HK2: variants seen among roughly 807,000 people sequenced by gnomAD.
HK2 encodes the protein hexokinase-2.
In HK2, 42 loss-of-function variants were observed where a neutral mutation model predicts 92.9. That is an observed-to-expected ratio of 0.45 (90% CI 0.35 to 0.58). The LOEUF (loss-of-function observed/expected upper bound fraction) is 0.58, where lower values mean the gene tolerates loss of function less well. Ranked by LOEUF, HK2 falls within the 20% of genes least tolerant of loss-of-function variation. The pLI is 0.00. For synonymous variants in HK2, 422 were observed against 468.0 expected, an observed-to-expected ratio of 0.90 and a Z score of 1.27; for missense variants, 978 against 1,245.1, an observed-to-expected ratio of 0.79 and a Z score of 3.23.
intron 13 of HK2, among the ~76,000 whole-genome samples, chr2:74,885,988 G>T (rs1056398328): frequency 6.6e-6 from 1 of 151,886 alleles, no homozygotes; most frequent in African/African-American, 2.4e-5. Context: ...TAAACAAGGG[G>T]TGTATTATTC....
At chr2:74,860,079 C>A (rs780381349) in intron 2 of HK2, among the ~76,000 whole-genome samples, 1 of 151,954 alleles carries the variant, frequency 6.6e-6, no homozygotes, top group African/African-American at 2.4e-5. Context: ...CAGACAAATA[C>A]CGCACGTTTT....
intron 1 of HK2, among the ~76,000 whole-genome samples, chr2:74,854,003 C>T (rs1055591189): frequency 1.3e-5 from 2 of 152,144 alleles, no homozygotes; most frequent in South Asian, 4.1e-4. Context: ...TGTCACAGGC[C>T]TTCCGACTCA....
chr2:74,846,176 G>A (rs1688429558), intron 1 of HK2, among the ~76,000 whole-genome samples: 1 of 152,236 alleles, frequency 6.6e-6, no homozygotes, highest in African/African-American at 2.4e-5. Flanking sequence ...GCATGTGTCA[G>A]CACAGAGTCA....
At chr2:74,858,364 G>A (rs932048313) in intron 2 of HK2, among the ~76,000 whole-genome samples, 5 of 152,176 alleles carry the variant, frequency 3.3e-5, no homozygotes, top group African/African-American at 4.8e-5. Flanking sequence ...AGGACAGTGT[G>A]GGGTGAGAGG....
At chr2:74,881,255 G>T (rs566460474) in intron 10 of HK2, among the ~76,000 whole-genome samples, 1 of 152,328 alleles carries the variant, frequency 6.6e-6, no homozygotes, top group African/African-American at 2.4e-5. Context: ...AGAAATGGTG[G>T]TCTTATTCCA....
In HK2 at chr2:74,881,727, G is replaced by T; in HGVS notation, c.1587G>T (p.Leu529Phe). ...ATTTTCCAGAGAAAGGGGACTTCTT[G>T]GCCTTGGACCTTGGAGGAACAAATT... Reference protein sequence around the residue: ...TPDGTEKGDFLALDLGGTNFR... With the variant: ...TPDGTEKGDFFALDLGGTNFR... The change falls in exon 11 of 18, where the codon TTG becomes TTT. Residue 529 changes from leucine to phenylalanine, a missense_variant. Around this residue, in one of 3 missense-constraint regions of HK2, gnomAD observed 742 missense variants for 922.5 expected, o/e 0.80. Coordinates refer to ENST00000290573, the MANE Select transcript of HK2 (RefSeq NM_000189.5). 2.5e-6 allele frequency: 4 copies of T among 1,614,166 alleles called. No homozygotes were observed. The highest frequency in any genetic ancestry group is 3.4e-6 in the Non-Finnish European group (4 of 1,180,032).
chr2:74,883,617 TGA>T (rs1689452780), intron 12 of HK2, among the ~76,000 whole-genome samples: 2 of 152,196 alleles, frequency 1.3e-5, no homozygotes, highest in African/African-American at 4.8e-5. Flanking sequence ...CCTCCTTATC[TGA>T]GAGAATTCCC....
chr2:74,889,574 T>G, intron 17 of HK2, 96 bp downstream of exon 17: 1 of 842,412 alleles, frequency 1.2e-6, no homozygotes, highest in Non-Finnish European at 2.0e-6. Flanking sequence ...TATAGTGAAT[T>G]ATCAGCCATT....
intron 3 of HK2, among the ~76,000 whole-genome samples, chr2:74,870,361 A>G (rs976679000): frequency 1.3e-5 from 2 of 152,128 alleles, no homozygotes; most frequent in African/African-American, 4.8e-5. Context: ...AGTGGCTACT[A>G]TATTGGGCAG....
At position 74,885,624 on chromosome 2, in the gene HK2, G is replaced by A. The variant is rs749475011; in HGVS notation, c.1935+35G>A. 17 of 1,315,634 alleles carry A rather than the reference G, an allele frequency of 1.3e-5. No homozygotes were observed. In the East Asian group the frequency reaches 3.9e-4, roughly 30 times the overall value. 81.5% of individuals were successfully genotyped at this position (1,315,634 alleles called of 1,614,324 possible). On this transcript the variant is annotated intron_variant, in intron 13 of 17. Transcript: ENST00000290573. ...ACATGGCACGAGGTCTGATGTGTCAGCTCCTCAATGATTGGCCTGGTCTGT... is the reference window on the plus strand; with the variant it reads ...ACATGGCACGAGGTCTGATGTGTCAACTCCTCAATGATTGGCCTGGTCTGT...
In HK2 at chr2:74,882,114, C is replaced by T. The variant is rs780893532; in HGVS notation, c.1720-6C>T. On this transcript the variant is annotated splice_region_variant and splice_polypyrimidine_tract_variant and intron_variant, in intron 11 of 17. Transcript: ENST00000290573. ...CCTCCCTCAGTGTCCTAACTTCTCC[C>T]TGCAGCTCTTTGACCACATTGTCCA... 2 of 1,614,116 alleles carry T rather than the reference C, an allele frequency of 1.2e-6. No individual in the cohort carries two copies. The highest frequency in any genetic ancestry group is 2.2e-5 in the East Asian group (1 of 44,880).
In HK2 at chr2:74,874,212, G is replaced by C. The variant is rs550045841; in HGVS notation, c.692-54G>C. ...CGGGACAGTAGTATAAGAGGGAAGA[G>C]GGGTGGGAAGGGGCCGGAGCAGGCG... On this transcript the variant is annotated intron_variant, in intron 6 of 17. Transcript: ENST00000290573. 8 of 1,605,758 alleles carry C rather than the reference G, an allele frequency of 5.0e-6. No homozygotes were observed. In the South Asian group the frequency reaches 6.6e-5, roughly 13 times the overall value.
chr2:74,879,325 T>C (rs1558802575), intron 9 of HK2, among the ~76,000 whole-genome samples: 1 of 152,186 alleles, frequency 6.6e-6, no homozygotes, highest in Non-Finnish European at 1.5e-5. Flanking sequence ...ATTAAATTGA[T>C]CCTGCCCTGT....
chr2:74,877,163 C>T lies in HK2; in HGVS notation c.876-3C>T, dbSNP rs1689253415. The stretch of plus-strand genomic sequence containing the variant: ...TATGTTTTTGGTTTGTGTCTTCCGG[C>T]AGGTTTGAGAAGATGATCAGTGGGA... On this transcript the variant is annotated splice_polypyrimidine_tract_variant and splice_region_variant and intron_variant, in intron 7 of 17. Coordinates refer to ENST00000290573, the MANE Select transcript of HK2 (RefSeq NM_000189.5). 1 of 1,613,890 alleles carries T rather than the reference C, an allele frequency of 6.2e-7. No individual in the cohort carries two copies. The highest frequency in any genetic ancestry group is 8.5e-7 in the Non-Finnish European group (1 of 1,180,010).
At chr2:74,859,906 A>G (rs1688782442) in intron 2 of HK2, among the ~76,000 whole-genome samples, 1 of 152,222 alleles carries the variant, frequency 6.6e-6, no homozygotes, top group South Asian at 2.1e-4. Flanking sequence ...AATAGCAAAG[A>G]TGTGGAGTCG....
At chr2:74,885,459 C>CTGA (rs1337533500) in intron 12 of HK2, 35 bp from the exon 13 acceptor site, 2 of 1,500,660 alleles carry the variant, frequency 1.3e-6, no homozygotes, top group East Asian at 4.5e-5. Flanking sequence ...GAGCTCTTCC[C>CTGA]TGATGTCCTT....
intron 2 of HK2, among the ~76,000 whole-genome samples, chr2:74,862,522 A>G (rs191474422): frequency 8.2e-4 from 125 of 152,352 alleles, no homozygotes; most frequent in Non-Finnish European, 1.5e-3. Flanking sequence ...ATGCAAGCAC[A>G]TGATGTGATA....
intron 7 of HK2, 99 bp downstream of exon 7, chr2:74,874,548 C>A (rs1573381628): frequency 8.3e-7 from 1 of 1,203,440 alleles, no homozygotes; most frequent in Non-Finnish European, 1.2e-6. Context: ...AGTCTTACAT[C>A]CCCAAAGCTT....
chr2:74,843,018 C>T (rs1319439716), intron 1 of HK2, among the ~76,000 whole-genome samples: 1 of 152,158 alleles, frequency 6.6e-6, no homozygotes, highest in Non-Finnish European at 1.5e-5. Flanking sequence ...TGGAGTTTGT[C>T]AGTTAAATAC....
Sources: allele counts gnomAD v4.1 joint callset (sites outside exome capture counted in the v4.1 genomes callset), GRCh38; gene constraint gnomAD v4.1.1; regional missense constraint gnomAD v4.1.1; transcripts MANE v1.5; gene names NCBI Gene and HGNC (gene_info 2026-07-23, HGNC 2026-07-21).